MCM8: variants seen among roughly 807,000 people sequenced by gnomAD.
MCM8 encodes DNA helicase MCM8.
Under a neutral mutation model 98.9 loss-of-function variants are expected in MCM8, and 85 were observed. The ratio of observed to expected loss-of-function variants is 0.86; its 90% CI spans 0.72 to 1.03. The LOEUF is 1.03. Ranked by LOEUF, MCM8 falls within the 50% of genes least tolerant of loss-of-function variation. The probability of loss-of-function intolerance (pLI) is 0.00; values close to 1 mark genes in which losing one functional copy is unlikely to be tolerated. For synonymous variants in MCM8, 352 were observed against 338.6 expected, an observed-to-expected ratio of 1.04 and a Z score of -0.44; for missense variants, 951 against 997.8, an observed-to-expected ratio of 0.95 and a Z score of 0.63.
chr20:5,956,073 AT>A (rs1024819180), intron 5 of MCM8, among the ~76,000 whole-genome samples: 17 of 152,164 alleles, frequency 1.1e-4, no homozygotes, highest in Admixed American at 3.3e-4. Context: ...GGCCAAAAAC[AT>A]TTTTTAGGCT....
Position 5,970,337 on chromosome 20 carries a change from T to C in MCM8, c.1224-1670T>C, listed in dbSNP as rs149485924. 4.0e-3 allele frequency among the ~76,000 whole-genome samples: 605 copies of C among 152,328 alleles called. 3 individuals are homozygous for C. Among genetic ancestry groups the C allele is most frequent in the African/African-American group, 0.014 (571 of 41,576 alleles). ...AGCAATGATTTGGATCAACATAGTT[T>C]ACTTGGGAGGTGATTCTGGAGTTAC... On this transcript the variant is annotated intron_variant, in intron 10 of 18. Coordinates refer to ENST00000610722, the MANE Select transcript of MCM8 (RefSeq NM_032485.6).
At chr20:5,984,036 T>C (rs983628471) in intron 14 of MCM8, among the ~76,000 whole-genome samples, 4 of 152,216 alleles carry the variant, frequency 2.6e-5, no homozygotes, top group African/African-American at 9.6e-5. Context: ...CTTAAATATG[T>C]GGTATGATCC....
chr20:5,984,126 G>A (rs1451230805), intron 14 of MCM8, among the ~76,000 whole-genome samples: 1 of 152,170 alleles, frequency 6.6e-6, no homozygotes. Flanking sequence ...GACAAAATGT[G>A]TGGAAAAGGA....
rs1313386189 is a variant in MCM8, at chr20:5,997,176, TTC to T, written c.*2787_*2788del. 1 of 146,158 alleles carries T rather than the reference TTC, an allele frequency of 6.8e-6. No homozygotes were observed. The highest frequency in any genetic ancestry group is 1.4e-5 in the Non-Finnish European group (1 of 71,614). The allele number at this position is 146,158 out of a possible 1,614,324, so 9.1% of individuals were successfully genotyped here. A position where few individuals can be genotyped will look rare whatever the true frequency, so the allele number is the denominator to read the frequency against. On this transcript the variant is annotated 3_prime_UTR_variant, in exon 19 of 19. Transcript: ENST00000610722. The stretch of plus-strand genomic sequence containing the variant: ...TTACATCATGAAAGTTTCTTTTTTT[TTC>T]TTTTTTCTTTTTTTTTTTTTTTTGA...
At chr20:5,993,781 T>C (rs2089901301) in intron 18 of MCM8, 86 bp downstream of exon 18, 6 of 1,103,184 alleles carry the variant, frequency 5.4e-6, no homozygotes, top group Non-Finnish European at 6.3e-6. Flanking sequence ...TTTTACTTAT[T>C]TAAAATTCAT....
intron 8 of MCM8, among the ~76,000 whole-genome samples, chr20:5,966,771 G>A (rs1328846740): frequency 2.0e-5 from 3 of 152,202 alleles, no homozygotes; most frequent in Non-Finnish European, 4.4e-5. Flanking sequence ...ATGGTAGAAT[G>A]AAGAGTCTTT....
Position 5,995,928 on chromosome 20 carries a change from A to G in MCM8, c.*1537A>G, listed in dbSNP as rs1204697829. Reference sequence around the variant, plus strand: ...GTTTAACTATAGGACCAGAACTAAGATGTGGAGACTATTGCCATAGACCAC... The same window carrying G: ...GTTTAACTATAGGACCAGAACTAAGGTGTGGAGACTATTGCCATAGACCAC... On this transcript the variant is annotated 3_prime_UTR_variant, in exon 19 of 19. Coordinates refer to ENST00000610722, the MANE Select transcript of MCM8 (RefSeq NM_032485.6). The G allele has an allele frequency of 6.6e-6, 1 of 152,240 alleles. No individual in the cohort carries two copies. Among genetic ancestry groups the G allele is most frequent in the Non-Finnish European group, 1.5e-5 (1 of 68,044 alleles). 9.4% of individuals were successfully genotyped at this position (152,240 alleles called of 1,614,324 possible). A position where few individuals can be genotyped will look rare whatever the true frequency, so the allele number is the denominator to read the frequency against.
chr20:5,977,618 C>T (rs942221951), intron 12 of MCM8, among the ~76,000 whole-genome samples: 1 of 152,234 alleles, frequency 6.6e-6, no homozygotes, highest in Non-Finnish European at 1.5e-5. Flanking sequence ...ACTTCAGAAT[C>T]TGACTGCCTG....
In MCM8 at chr20:5,972,044, A is replaced by G. The variant is rs775226533; in HGVS notation, c.1254+7A>G. The G allele has an allele frequency of 1.1e-3, 1,825 of 1,603,444 alleles. 26 individuals carry two copies. Among genetic ancestry groups the G allele is most frequent in the Non-Finnish European group, 1.6e-4 (193 of 1,172,512 alleles). On this transcript the variant is annotated splice_region_variant and intron_variant, in intron 11 of 18. Coordinates refer to ENST00000610722, the MANE Select transcript of MCM8 (RefSeq NM_032485.6). ...TGTCATTTTTGGTCATGAAGTAAGTATTTTACTTCATCTTTACTCAAAAAG... is the reference window on the plus strand; with the variant it reads ...TGTCATTTTTGGTCATGAAGTAAGTGTTTTACTTCATCTTTACTCAAAAAG...
chr20:5,960,963 C>T (rs2089128345), intron 7 of MCM8, among the ~76,000 whole-genome samples: 1 of 152,164 alleles, frequency 6.6e-6, no homozygotes, highest in Non-Finnish European at 1.5e-5. Flanking sequence ...ATAAGAAGCC[C>T]TTTTCACTCA....
chr20:5,975,648 C>T (rs537141205), intron 12 of MCM8, among the ~76,000 whole-genome samples: 52 of 152,088 alleles, frequency 3.4e-4, no homozygotes, highest in South Asian at 1.9e-3. Context: ...AGGCGCCCAC[C>T]ACCACGCCCG....
chr20:5,965,233 A>G (rs1600259960), intron 8 of MCM8: 1 of 152,116 alleles, frequency 6.6e-6, no homozygotes, highest in Admixed American at 6.5e-5. Flanking sequence ...TTCTCCCTCC[A>G]TCTTTTCTAC....
intron 12 of MCM8, 28 bp downstream of exon 12, chr20:5,973,224 T>G: frequency 6.2e-7 from 1 of 1,608,132 alleles, no homozygotes; most frequent in Non-Finnish European, 8.5e-7. Context: ...TAGTGTTTGT[T>G]CTTTTGCTTG....
At chr20:5,978,301 A>ATC (rs2089556641) in intron 13 of MCM8, among the ~76,000 whole-genome samples, 1 of 150,584 alleles carries the variant, frequency 6.6e-6, no homozygotes, top group Admixed American at 6.7e-5. Context: ...TTCCCATTTC[A>ATC]TACCACCTAT....
At chr20:5,979,262 CT>C (rs1484917971) in intron 13 of MCM8, among the ~76,000 whole-genome samples, 26 of 152,266 alleles carry the variant, frequency 1.7e-4, no homozygotes, top group Admixed American at 1.2e-3. Flanking sequence ...GGTTCTTCAT[CT>C]CCACAACCTC....
intron 7 of MCM8, among the ~76,000 whole-genome samples, chr20:5,959,765 C>T (rs1600249293): frequency 7.9e-6 from 1 of 127,208 alleles, no homozygotes; most frequent in Non-Finnish European, 1.5e-5. Context: ...GTGGCGCGAT[C>T]TTGGCTCACC....
At chr20:5,962,298 C>T (rs894878648) in intron 7 of MCM8, among the ~76,000 whole-genome samples, 20 of 144,486 alleles carry the variant, frequency 1.4e-4, no homozygotes, top group Non-Finnish European at 1.8e-4. Flanking sequence ...CTGTTGGTAA[C>T]AAAGTGAGTC....
rs2088797981 is a variant in MCM8, at chr20:5,950,749, C to T, written c.-280C>T. 1 of 199,220 alleles carries T rather than the reference C, an allele frequency of 5.0e-6. No homozygotes were observed. The highest frequency in any genetic ancestry group is 1.0e-5 in the Non-Finnish European group (1 of 97,276). 12.3% of individuals were successfully genotyped at this position (199,220 alleles called of 1,614,324 possible). A position where few individuals can be genotyped will look rare whatever the true frequency, so the allele number is the denominator to read the frequency against. The stretch of plus-strand genomic sequence containing the variant: ...TTTTTGCGGCGCTGTGCGCTACAGA[C>T]ACCTTCTGGAAGCTGCGGTGGGGAA... On this transcript the variant is annotated 5_prime_UTR_variant, in exon 1 of 19. Transcript: ENST00000610722.
At chr20:5,973,693 T>G (rs932670479) in intron 12 of MCM8, among the ~76,000 whole-genome samples, 1 of 151,830 alleles carries the variant, frequency 6.6e-6, no homozygotes, top group African/African-American at 2.4e-5. Flanking sequence ...CACACTCTGT[T>G]GCCCAGGCTG....
Sources: gnomAD v4.1 joint callset for allele counts (sites outside exome capture counted in the v4.1 genomes callset) on GRCh38, gnomAD v4.1.1 for gene constraint, MANE v1.5 for transcripts, NCBI Gene and HGNC (gene_info 2026-07-23, HGNC 2026-07-21) for gene names.